The following GPR158 variants were observed in gnomAD, a reference collection of about 807,000 sequenced individuals.
GPR158 encodes the protein metabotropic glycine receptor.
In GPR158, 30 loss-of-function variants were observed where a neutral mutation model predicts 78.2. The ratio of observed to expected loss-of-function variants is 0.38; its 90% CI spans 0.29 to 0.52. The LOEUF (loss-of-function observed/expected upper bound fraction) is 0.52, where lower values mean the gene tolerates loss of function less well. GPR158 is among the 20% of genes least tolerant of loss of function. The pLI, the probability that GPR158 is intolerant of heterozygous loss-of-function variation, is 0.83. For synonymous variants in GPR158, 581 were observed against 591.1 expected (o/e 0.98, Z 0.25); for missense variants, 1,463 against 1,523.5 (o/e 0.96, Z 0.66).
At position 25,510,216 on chromosome 10, in the gene GPR158, A is replaced by G. The variant is rs150814879; in HGVS notation, c.1405-40760A>G. On this transcript the variant is annotated intron_variant, in intron 5 of 10. Coordinates refer to ENST00000376351, the MANE Select transcript of GPR158 (RefSeq NM_020752.3). Reference sequence around the variant, plus strand: ...AGTTGGACGCTTGAATAACATCTGAATTCTGTTGGTAATGAAGAAGAATAA... The same window carrying G: ...AGTTGGACGCTTGAATAACATCTGAGTTCTGTTGGTAATGAAGAAGAATAA... Among the ~76,000 whole-genome samples the G allele has an allele frequency of 2.5e-3, 376 of 152,302 alleles. 4 individuals are homozygous for G. Among genetic ancestry groups the G allele is most frequent in the African/African-American group, 8.7e-3 (361 of 41,568 alleles).
At chr10:25,193,222 AAAT>A (rs1270881357) in intron 1 of GPR158, among the ~76,000 whole-genome samples, 1 of 152,184 alleles carries the variant, frequency 6.6e-6, no homozygotes, top group Non-Finnish European at 1.5e-5. Flanking sequence ...GGCAAAATAA[AAAT>A]AATAAGTAAT....
At chr10:25,379,328 CT>C (rs1211273837) in intron 2 of GPR158, among the ~76,000 whole-genome samples, 1 of 152,146 alleles carries the variant, frequency 6.6e-6, no homozygotes, top group Non-Finnish European at 1.5e-5. Flanking sequence ...TCCAGAGAGG[CT>C]TTAACCTATC....
chr10:25,414,622 G>T (rs893312303), intron 4 of GPR158, among the ~76,000 whole-genome samples: 1 of 152,060 alleles, frequency 6.6e-6, no homozygotes, highest in Non-Finnish European at 1.5e-5. Context: ...CCAGTGTAGA[G>T]ATTAGAGATT....
intron 1 of GPR158, among the ~76,000 whole-genome samples, chr10:25,178,470 A>C (rs188695253): frequency 6.6e-6 from 1 of 152,354 alleles, no homozygotes; most frequent in Non-Finnish European, 1.5e-5. Flanking sequence ...AAATGAACTC[A>C]GTGCCTTCTG....
chr10:25,175,220 G>A lies in GPR158; in HGVS notation c.-201G>A, dbSNP rs1282961017. 13 of 509,902 alleles carry A rather than the reference G, an allele frequency of 2.5e-5. No homozygotes were observed. Among genetic ancestry groups the A allele is most frequent in the African/African-American group, 5.8e-5 (3 of 51,522 alleles). 31.6% of individuals were successfully genotyped at this position (509,902 alleles called of 1,614,324 possible). On this transcript the variant is annotated 5_prime_UTR_variant, in exon 1 of 11. Coordinates refer to ENST00000376351, the MANE Select transcript of GPR158 (RefSeq NM_020752.3). This position sits in a 1 kb window ranked among gnomAD's most constrained non-coding sequence, Gnocchi z 6.4. ...AGCGGGCACGGCCAGCGCTGCCACAGGTGACTTGATTTCTGCGACGGTAGC... is the reference window on the plus strand; with the variant it reads ...AGCGGGCACGGCCAGCGCTGCCACAAGTGACTTGATTTCTGCGACGGTAGC...
At chr10:25,429,813 G>C (rs71495454) in intron 4 of GPR158, among the ~76,000 whole-genome samples, 11,096 of 140,358 alleles carry the variant, frequency 0.079, 1,225 homozygotes, top group African/African-American at 0.25. Flanking sequence ...TTCAACAACC[G>C]TTCATGCTAA....
At chr10:25,234,427 G>T (rs1564397661) in intron 2 of GPR158, among the ~76,000 whole-genome samples, 1 of 152,148 alleles carries the variant, frequency 6.6e-6, no homozygotes, top group Non-Finnish European at 1.5e-5. Context: ...ACTATAGTGA[G>T]TGCATTATGG....
At chr10:25,472,198 A>T (rs1397204273) in intron 5 of GPR158, among the ~76,000 whole-genome samples, 4 of 152,066 alleles carry the variant, frequency 2.6e-5, no homozygotes, top group Non-Finnish European at 5.9e-5. Context: ...CAGTTTTCCC[A>T]GCACCATTTA....
chr10:25,192,302 C>CT (rs1852783043), intron 1 of GPR158, among the ~76,000 whole-genome samples: 1 of 152,154 alleles, frequency 6.6e-6, no homozygotes, highest in African/African-American at 2.4e-5. Flanking sequence ...TTCCTGAGGC[C>CT]TCCCCAGCCA....
intron 2 of GPR158, among the ~76,000 whole-genome samples, chr10:25,282,274 A>G (rs1854286293): frequency 6.6e-6 from 1 of 152,152 alleles, no homozygotes; most frequent in African/African-American, 2.4e-5. Flanking sequence ...ATAATCCATG[A>G]GATATTCATT....
intron 2 of GPR158, among the ~76,000 whole-genome samples, chr10:25,377,941 G>A (rs896176969): frequency 1.3e-5 from 2 of 152,050 alleles, no homozygotes; most frequent in Non-Finnish European, 2.9e-5. Context: ...AACATTTACA[G>A]TGACTACTAA....
intron 5 of GPR158, among the ~76,000 whole-genome samples, chr10:25,531,578 G>T (rs1836422787): frequency 6.6e-6 from 1 of 152,296 alleles, no homozygotes; most frequent in South Asian, 2.1e-4. Flanking sequence ...GAGGCAGTGA[G>T]TCAGACTGAA....
At chr10:25,382,076 G>T (rs921740538) in intron 2 of GPR158, among the ~76,000 whole-genome samples, 2 of 152,208 alleles carry the variant, frequency 1.3e-5, no homozygotes, top group Non-Finnish European at 2.9e-5. Context: ...GGAGCATGGG[G>T]TGTCAAAGTT....
At chr10:25,443,341 G>C (rs574791802) in intron 4 of GPR158, among the ~76,000 whole-genome samples, 5 of 152,024 alleles carry the variant, frequency 3.3e-5, no homozygotes, top group African/African-American at 4.8e-5. Context: ...GATCACCTGA[G>C]GTCAGGATTT....
At chr10:25,493,867 C>T (rs745813023) in intron 5 of GPR158, among the ~76,000 whole-genome samples, 94 of 152,142 alleles carry the variant, frequency 6.2e-4, no homozygotes, top group Non-Finnish European at 1.1e-3. Context: ...GCTTTATTTA[C>T]AAAAAGTAGT....
At chr10:25,363,689 G>A (rs947201274) in intron 2 of GPR158, among the ~76,000 whole-genome samples, 5 of 151,862 alleles carry the variant, frequency 3.3e-5, no homozygotes, top group African/African-American at 1.2e-4. Context: ...TGATGCCAGA[G>A]CTCAATCTGG....
At chr10:25,358,093 T>A (rs1315432023) in intron 2 of GPR158, among the ~76,000 whole-genome samples, 1 of 152,128 alleles carries the variant, frequency 6.6e-6, no homozygotes, top group Non-Finnish European at 1.5e-5. Flanking sequence ...CAGACTGGCA[T>A]GGGGCCTGTA....
chr10:25,272,509 G>T (rs191266556), intron 2 of GPR158, among the ~76,000 whole-genome samples: 1 of 151,950 alleles, frequency 6.6e-6, no homozygotes, highest in African/African-American at 2.4e-5. Flanking sequence ...CCCACCTCTT[G>T]TTTACGTGCC....
intron 4 of GPR158, among the ~76,000 whole-genome samples, chr10:25,461,389 G>A (rs1835357025): frequency 1.3e-5 from 2 of 152,142 alleles, no homozygotes; most frequent in Admixed American, 1.3e-4. Context: ...GAAAGTTTGA[G>A]TACTCTAGAT....
Sources: gnomAD v4.1 joint callset for allele counts (sites outside exome capture counted in the v4.1 genomes callset) on GRCh38, gnomAD v4.1.1 for gene constraint, Gnocchi (gnomAD v3.1) non-coding constraint, MANE v1.5 for transcripts, NCBI Gene and HGNC (gene_info 2026-07-23, HGNC 2026-07-21) for gene names.